Variants in MLLT10 observed in about 807,000 individuals in gnomAD.
MLLT10 encodes MLLT10 histone lysine methyltransferase DOT1L cofactor.
In MLLT10, 30 loss-of-function variants were observed where a neutral mutation model predicts 129.1. The observed-to-expected ratio is 0.23, with a 90% CI of 0.17 to 0.32. MLLT10 has a LOEUF of 0.32. Among genes scored for constraint, MLLT10 ranks in the 10% least tolerant of loss-of-function variants. The pLI, the probability that MLLT10 is intolerant of heterozygous loss-of-function variation, is 1.00. For missense variants in MLLT10, 1,119 were observed against 1,268.3 expected (o/e 0.88, Z 1.79); for synonymous variants, 490 against 446.4 (o/e 1.10, Z -1.23).
At chr10:21,575,040 A>G (rs1212096774) in intron 3 of MLLT10, among the ~76,000 whole-genome samples, 2 of 152,122 alleles carry the variant, frequency 1.3e-5, no homozygotes, top group Admixed American at 6.6e-5. Flanking sequence ...GGCCTCTGAC[A>G]AAAGGACCAA....
intron 13 of MLLT10, chr10:21,688,369 C>A: frequency 1.3e-6 from 1 of 764,800 alleles, no homozygotes; most frequent in Non-Finnish European, 2.2e-6. Context: ...GATTTTAACC[C>A]TGATGATCCA....
intron 8 of MLLT10, among the ~76,000 whole-genome samples, chr10:21,618,588 TTCTC>T (rs1387830645): frequency 6.6e-6 from 1 of 152,134 alleles, no homozygotes; most frequent in Non-Finnish European, 1.5e-5. Flanking sequence ...TGAGAGTAAA[TTCTC>T]TATCATGAGT....
Position 21,674,775 on chromosome 10 carries a change from T to A in MLLT10, c.1621+856T>A, listed in dbSNP as rs1255087813. Among the ~76,000 whole-genome samples, 3 of 152,280 alleles carry A rather than the reference T, an allele frequency of 2.0e-5. No individual in the cohort carries two copies. The East Asian group carries it at 5.8e-4, about 29-fold the overall frequency. ...CTTTCTTCTAGTTTTAGATTTCTGA[T>A]TGTTGAAATAACAAGAATTTAGGTA... On this transcript the variant is annotated intron_variant, in intron 11 of 22. Transcript: ENST00000307729.
In MLLT10 at chr10:21,630,770, G is replaced by A. The variant is rs547957357; in HGVS notation, c.699+13563G>A. ...CTATGAAACTGTGGTGAACTAACTT[G>A]TCACTTTACAAGTACAGTAAGATCT... is the stretch of plus-strand genomic sequence containing the variant. On this transcript the variant is annotated intron_variant, in intron 8 of 22. Coordinates refer to ENST00000307729, the MANE Select transcript of MLLT10 (RefSeq NM_001195626.3). 6.2e-4 allele frequency among the ~76,000 whole-genome samples: 94 copies of A among 152,284 alleles called. 1 individual carries two copies. Among genetic ancestry groups the A allele is most frequent in the Non-Finnish European group, 9.1e-4 (62 of 68,030 alleles).
intron 12 of MLLT10, among the ~76,000 whole-genome samples, chr10:21,681,798 A>G (rs759070600): frequency 1.3e-5 from 2 of 152,040 alleles, no homozygotes; most frequent in Non-Finnish European, 2.9e-5. Context: ...AGAATATTTG[A>G]TAGGGTTAGA....
intron 8 of MLLT10, among the ~76,000 whole-genome samples, chr10:21,635,587 A>G (rs990178808): frequency 6.6e-6 from 1 of 152,044 alleles, no homozygotes; most frequent in Non-Finnish European, 1.5e-5. Context: ...GCTGGTCTCA[A>G]ACTCCTGACC....
chr10:21,557,059 T>A, intron 3 of MLLT10: 5 of 1,419,172 alleles, frequency 3.5e-6, no homozygotes, highest in Non-Finnish European at 4.6e-6. Context: ...TTTTTCCCAC[T>A]CAACTCACAA....
intron 13 of MLLT10, among the ~76,000 whole-genome samples, chr10:21,700,355 G>A (rs1359221081): frequency 1.3e-5 from 2 of 152,064 alleles, no homozygotes; most frequent in Non-Finnish European, 2.9e-5. Context: ...TTGGATGCCT[G>A]TTATTTCTGT....
chr10:21,643,252 C>T lies in MLLT10; in HGVS notation c.700-8421C>T, dbSNP rs137945624. 6.2e-3 allele frequency among the ~76,000 whole-genome samples: 942 copies of T among 152,212 alleles called. 8 individuals carry two copies. The highest frequency in any genetic ancestry group is 0.021 in the African/African-American group (882 of 41,538). Reference sequence around the variant, plus strand: ...TTTACCATGTTGGCCAGGCTGGTCTCGAACTCCTGACCTCAAGTAATCTGC... The same window carrying T: ...TTTACCATGTTGGCCAGGCTGGTCTTGAACTCCTGACCTCAAGTAATCTGC... On this transcript the variant is annotated intron_variant, in intron 8 of 22. Transcript: ENST00000307729.
chr10:21,694,409 C>G (rs1187936232), intron 13 of MLLT10, among the ~76,000 whole-genome samples: 3 of 152,130 alleles, frequency 2.0e-5, no homozygotes, highest in Non-Finnish European at 4.4e-5. Flanking sequence ...TTATCAATAA[C>G]ACATAATCAG....
intron 13 of MLLT10, among the ~76,000 whole-genome samples, chr10:21,704,357 C>CTCTCTCTCTCTCTA (rs1343170893): frequency 8.9e-6 from 1 of 111,882 alleles, no homozygotes; most frequent in African/African-American, 3.6e-5. Flanking sequence ...CTCTCTCTCT[C>CTCTCTCTCTCTCTA]TATATATATA....
At chr10:21,546,313 A>G (rs1413976876) in intron 3 of MLLT10, among the ~76,000 whole-genome samples, 1 of 152,056 alleles carries the variant, frequency 6.6e-6, no homozygotes, top group Non-Finnish European at 1.5e-5. Flanking sequence ...CCTGGGCTCT[A>G]GTAGTCCCTC....
intron 11 of MLLT10, 45 bp downstream of exon 11, chr10:21,673,964 C>G: frequency 7.0e-7 from 1 of 1,423,480 alleles, no homozygotes; most frequent in East Asian, 2.3e-5. Flanking sequence ...CTCCCACCAC[C>G]TCCCTTCTTC....
At chr10:21,564,154 C>T (rs2039239283) in intron 3 of MLLT10, among the ~76,000 whole-genome samples, 1 of 152,030 alleles carries the variant, frequency 6.6e-6, no homozygotes, top group South Asian at 2.1e-4. Context: ...TGCTCTGTTA[C>T]CTAGGGTTTG....
At chr10:21,689,835 A>G (rs951665771) in intron 13 of MLLT10, among the ~76,000 whole-genome samples, 29 of 151,736 alleles carry the variant, frequency 1.9e-4, no homozygotes, top group African/African-American at 7.0e-4. Context: ...AAAAGATGGA[A>G]AAGAGCTAAT....
intron 3 of MLLT10, among the ~76,000 whole-genome samples, chr10:21,579,398 G>A (rs1225739161): frequency 6.6e-6 from 1 of 151,794 alleles, no homozygotes; most frequent in Non-Finnish European, 1.5e-5. Flanking sequence ...TTCAGCCATC[G>A]TTTCTTCAAA....
intron 13 of MLLT10, among the ~76,000 whole-genome samples, chr10:21,699,736 G>T (rs2054722735): frequency 6.6e-6 from 1 of 150,722 alleles, no homozygotes; most frequent in Non-Finnish European, 1.5e-5. Context: ...TGTTTCATTG[G>T]TATCTGTTTT....
intron 3 of MLLT10, among the ~76,000 whole-genome samples, chr10:21,542,367 G>A (rs913608783): frequency 1.8e-4 from 27 of 152,144 alleles, no homozygotes; most frequent in African/African-American, 6.3e-4. Context: ...TCAGGAGTTC[G>A]AGACCAGCCT....
chr10:21,619,027 C>T (rs1369881210), intron 8 of MLLT10, among the ~76,000 whole-genome samples: 1 of 120,322 alleles, frequency 8.3e-6, no homozygotes, highest in Non-Finnish European at 1.7e-5. Flanking sequence ...TGCCTGGTGA[C>T]ATACACACAC....
Sources: gnomAD v4.1 joint callset for allele counts (sites outside exome capture counted in the v4.1 genomes callset) on GRCh38, gnomAD v4.1.1 for gene constraint, MANE v1.5 for transcripts, NCBI Gene and HGNC (gene_info 2026-07-23, HGNC 2026-07-21) for gene names.